TBC1D14: variants seen among roughly 807,000 people sequenced by gnomAD.
TBC1D14 encodes the protein TBC1 domain family, member 14.
Under a neutral mutation model 79.0 loss-of-function variants are expected in TBC1D14, and 26 were observed. That is an observed-to-expected ratio of 0.33 (90% CI 0.24 to 0.46). TBC1D14 has a LOEUF of 0.46. Among genes scored for constraint, TBC1D14 ranks in the 20% least tolerant of loss-of-function variants. TBC1D14 has a pLI of 1.00. For synonymous variants in TBC1D14, 394 were observed against 349.9 expected, an observed-to-expected ratio of 1.13 and a Z score of -1.40; for missense variants, 769 against 887.6, an observed-to-expected ratio of 0.87 and a Z score of 1.70.
intron 7 of TBC1D14, among the ~76,000 whole-genome samples, chr4:7,004,271 G>A (rs1321141390): frequency 6.6e-6 from 1 of 152,242 alleles, no homozygotes; most frequent in African/African-American, 2.4e-5. Flanking sequence ...TTCTCTGCCA[G>A]CAAGAGTCCT....
At chr4:6,971,732 A>G (rs1008929289) in intron 3 of TBC1D14, among the ~76,000 whole-genome samples, 2 of 152,142 alleles carry the variant, frequency 1.3e-5, no homozygotes, top group African/African-American at 4.8e-5. Context: ...CTTACTCCAG[A>G]CACATCAAAC....
chr4:6,953,019 CTTTCTT>C (rs1714196306), intron 2 of TBC1D14, among the ~76,000 whole-genome samples: 1 of 78,888 alleles, frequency 1.3e-5, no homozygotes, highest in Non-Finnish European at 2.6e-5. Context: ...CTATTTTTTT[CTTTCTT>C]TTTTTTTTTT....
chr4:6,967,197 G>A lies in TBC1D14; in HGVS notation c.723-107G>A, dbSNP rs1016578563. Reference sequence around the variant, plus strand: ...AATCAAGTCTGAAGAATTAAAGTACGTGGTTCTCAGAGGAAAGCTGACTTG... The same window carrying A: ...AATCAAGTCTGAAGAATTAAAGTACATGGTTCTCAGAGGAAAGCTGACTTG... On this transcript the variant is annotated intron_variant, in intron 2 of 13. Transcript: ENST00000409757. 17 of 1,378,360 alleles carry A rather than the reference G, an allele frequency of 1.2e-5. No individual in the cohort carries two copies. The Admixed American group carries it at 2.1e-4, about 17-fold the overall frequency. The allele number at this position is 1,378,360 out of a possible 1,614,324, so 85.4% of individuals were successfully genotyped here.
intron 9 of TBC1D14, among the ~76,000 whole-genome samples, 180 bp downstream of exon 9, chr4:7,006,906 C>A (rs1720252364): frequency 1.3e-5 from 2 of 152,102 alleles, no homozygotes; most frequent in African/African-American, 4.8e-5. Context: ...CTGATCATTT[C>A]CAACAAATAT....
At chr4:7,019,679 A>T (rs1012487661) in intron 12 of TBC1D14, among the ~76,000 whole-genome samples, 1 of 152,232 alleles carries the variant, frequency 6.6e-6, no homozygotes, top group African/African-American at 2.4e-5. Context: ...GTGCTGGGAC[A>T]GAAAGACTGG....
At chr4:6,955,808 T>C (rs1246026980) in intron 2 of TBC1D14, among the ~76,000 whole-genome samples, 1 of 152,092 alleles carries the variant, frequency 6.6e-6, no homozygotes, top group Non-Finnish European at 1.5e-5. Flanking sequence ...TCAGGGAGGA[T>C]TGCGTCCTGC....
chr4:6,942,862 A>G (rs1713041381), intron 2 of TBC1D14, among the ~76,000 whole-genome samples: 1 of 152,150 alleles, frequency 6.6e-6, no homozygotes, highest in East Asian at 1.9e-4. Flanking sequence ...CCTGGGATAG[A>G]TTTTATCCCT....
chr4:6,993,142 A>G (rs2109150536), intron 3 of TBC1D14, among the ~76,000 whole-genome samples: 2 of 152,332 alleles, frequency 1.3e-5, no homozygotes, highest in Non-Finnish European at 2.9e-5. Context: ...ACCTCATGAC[A>G]AACATGAAAT....
intron 2 of TBC1D14, among the ~76,000 whole-genome samples, chr4:6,925,599 G>A (rs759413490): frequency 2.0e-5 from 3 of 152,140 alleles, no homozygotes; most frequent in Non-Finnish European, 4.4e-5. Context: ...TGGTTTTGTC[G>A]GGAAACTTTC....
intron 7 of TBC1D14, among the ~76,000 whole-genome samples, chr4:7,003,174 A>G (rs1719839729): frequency 6.6e-6 from 1 of 152,242 alleles, no homozygotes; most frequent in South Asian, 2.1e-4. Flanking sequence ...GTAGCTGTCC[A>G]GCCTCCAGCG....
intron 2 of TBC1D14, among the ~76,000 whole-genome samples, chr4:6,952,659 C>G (rs1714148777): frequency 6.6e-6 from 1 of 152,168 alleles, no homozygotes. Context: ...GCCTTGCATA[C>G]ATATAAACAC....
At chr4:7,017,206 A>C (rs1052531490) in intron 12 of TBC1D14, among the ~76,000 whole-genome samples, 5 of 152,188 alleles carry the variant, frequency 3.3e-5, no homozygotes, top group African/African-American at 1.2e-4. Flanking sequence ...AGGCTGAGGC[A>C]CGAGAATCAT....
chr4:6,937,243 G>A (rs1282101201), intron 2 of TBC1D14, among the ~76,000 whole-genome samples: 12 of 152,210 alleles, frequency 7.9e-5, no homozygotes, highest in African/African-American at 2.7e-4. Context: ...ACATAATATT[G>A]TAGACGAGGT....
intron 3 of TBC1D14, among the ~76,000 whole-genome samples, chr4:6,987,754 G>A (rs773265957): frequency 6.6e-6 from 1 of 152,244 alleles, no homozygotes; most frequent in Non-Finnish European, 1.5e-5. Context: ...GTATGGAGAT[G>A]AGACTGCGCT....
chr4:7,017,190 C>T (rs1395132188), intron 12 of TBC1D14, among the ~76,000 whole-genome samples: 1 of 152,182 alleles, frequency 6.6e-6, no homozygotes, highest in East Asian at 1.9e-4. Flanking sequence ...ATCCCAGCTA[C>T]TTAGGAGGCT....
At chr4:6,997,763 A>G (rs1450704286) in intron 5 of TBC1D14, among the ~76,000 whole-genome samples, 1 of 152,250 alleles carries the variant, frequency 6.6e-6, no homozygotes, top group African/African-American at 2.4e-5. Context: ...AAACCAATCA[A>G]TCAAAACAGG....
At chr4:6,966,635 G>C (rs1715721036) in intron 2 of TBC1D14, among the ~76,000 whole-genome samples, 1 of 152,198 alleles carries the variant, frequency 6.6e-6, no homozygotes, top group African/African-American at 2.4e-5. Flanking sequence ...AGGAAACTGA[G>C]GCTCAGAGGT....
Position 6,943,785 on chromosome 4 carries a change from G to A in TBC1D14, c.722+19674G>A, listed in dbSNP as rs577615620. ...CCACACCGTCCTCCTGTGGTTTTCC[G>A]AGCCGGTGCAGGTGGTCAGCAGATA... On this transcript the variant is annotated intron_variant, in intron 2 of 13. Coordinates refer to ENST00000409757, the MANE Select transcript of TBC1D14 (RefSeq NM_020773.3). 4.6e-5 allele frequency among the ~76,000 whole-genome samples: 7 copies of A among 152,322 alleles called. No homozygotes were observed. The South Asian group carries it at 1.4e-3, about 32-fold the overall frequency.
intron 1 of TBC1D14, 135 bp downstream of exon 1, chr4:6,910,086 C>T (rs934863686): frequency 3.3e-5 from 5 of 149,522 alleles, no homozygotes; most frequent in African/African-American, 9.7e-5. Flanking sequence ...GCGGGTCCTG[C>T]TGGGTGTCCC....
Sources: gnomAD v4.1 joint callset for allele counts (sites outside exome capture counted in the v4.1 genomes callset) on GRCh38, gnomAD v4.1.1 for gene constraint, MANE v1.5 for transcripts, NCBI Gene and HGNC (gene_info 2026-07-23, HGNC 2026-07-21) for gene names.